Variants in CLVS1 observed in about 807,000 individuals in gnomAD.
CLVS1 encodes clavesin 1, also known as clavesin-1.
A neutral mutation model predicts 33.1 loss-of-function variants in CLVS1; 10 were observed. The observed-to-expected ratio is 0.30, with a 90% CI of 0.19 to 0.51. CLVS1 has a LOEUF of 0.51. Ranked by LOEUF, CLVS1 falls within the 20% of genes least tolerant of loss-of-function variation. The pLI, the probability that CLVS1 is intolerant of heterozygous loss-of-function variation, is 0.97. For missense variants in CLVS1, 343 were observed against 433.4 expected, an observed-to-expected ratio of 0.79 and a Z score of 1.85; for synonymous variants, 163 against 166.1, an observed-to-expected ratio of 0.98 and a Z score of 0.14.
intron 1 of CLVS1, chr8:61,292,393 T>A (rs537621898): frequency 3.8e-4 from 175 of 456,218 alleles, no homozygotes; most frequent in Non-Finnish European, 6.3e-4. Flanking sequence ...CACGGTTACA[T>A]GGATCTGCTG....
At chr8:61,383,230 C>T (rs185468222) in intron 3 of CLVS1, among the ~76,000 whole-genome samples, 1 of 152,300 alleles carries the variant, frequency 6.6e-6, no homozygotes, top group East Asian at 1.9e-4. Context: ...ACACTGGAGG[C>T]ACTTTTTCTT....
intron 2 of CLVS1, among the ~76,000 whole-genome samples, chr8:61,361,977 A>C (rs1812997177): frequency 6.6e-6 from 1 of 152,198 alleles, no homozygotes; most frequent in South Asian, 2.1e-4. Flanking sequence ...ATGAAAAATT[A>C]CTAGGAGAAA....
At chr8:61,136,454 C>T (rs557339326) in intron 2 of CLVS1, among the ~76,000 whole-genome samples, 9 of 152,222 alleles carry the variant, frequency 5.9e-5, no homozygotes, top group South Asian at 2.1e-4. Context: ...CAATGATAGA[C>T]CGGATAAAGA....
intron 3 of CLVS1, among the ~76,000 whole-genome samples, chr8:61,446,301 A>G (rs1816756714): frequency 1.3e-5 from 2 of 152,130 alleles, no homozygotes; most frequent in Admixed American, 1.3e-4. Flanking sequence ...TAATGCTACA[A>G]ATTTCCCTGT....
intron 1 of CLVS1, among the ~76,000 whole-genome samples, chr8:61,105,390 T>A (rs939524637): frequency 2.6e-5 from 4 of 152,226 alleles, no homozygotes; most frequent in African/African-American, 9.6e-5. Flanking sequence ...GACCCCAGGT[T>A]CTTTCTTATC....
the CLVS1 span, among the ~76,000 whole-genome samples, chr8:60,985,892 G>A: frequency 6.6e-6 from 1 of 151,922 alleles, no homozygotes; most frequent in African/African-American, 2.4e-5. Flanking sequence ...CCTTTATCCG[G>A]CATACAATAA....
intron 1 of CLVS1, among the ~76,000 whole-genome samples, chr8:61,061,508 A>T (rs895826508): frequency 6.6e-6 from 1 of 152,102 alleles, no homozygotes; most frequent in Non-Finnish European, 1.5e-5. Flanking sequence ...CTCCCCATGA[A>T]GTAGCACTAA....
the CLVS1 span, among the ~76,000 whole-genome samples, chr8:60,990,149 A>C: frequency 6.6e-6 from 1 of 150,706 alleles, no homozygotes; most frequent in African/African-American, 2.4e-5. Context: ...AAAAAAAAAA[A>C]AAAGCAGGAG....
chr8:61,270,812 G>A (rs1301418439), intron 2 of CLVS1, among the ~76,000 whole-genome samples: 2 of 152,100 alleles, frequency 1.3e-5, no homozygotes, highest in Non-Finnish European at 2.9e-5. Context: ...AGAGATGTTT[G>A]TAGTATTCTC....
intron 5 of CLVS1, among the ~76,000 whole-genome samples, chr8:61,482,749 C>G (rs1207169886): frequency 6.6e-6 from 1 of 152,180 alleles, no homozygotes; most frequent in African/African-American, 2.4e-5. Context: ...GTCTCTCAGA[C>G]CACAGTGCAA....
intron 5 of CLVS1, among the ~76,000 whole-genome samples, chr8:61,492,994 T>C (rs1804145946): frequency 6.6e-6 from 1 of 152,170 alleles, no homozygotes; most frequent in Non-Finnish European, 1.5e-5. Flanking sequence ...TGCATTATAG[T>C]AGAAAGAAAC....
intron 2 of CLVS1, among the ~76,000 whole-genome samples, chr8:61,210,107 T>G (rs369032239): frequency 3.3e-5 from 5 of 152,228 alleles, no homozygotes; most frequent in Non-Finnish European, 7.3e-5. Context: ...ACTCCTGTTA[T>G]GTTTGAATGT....
At chr8:61,061,171 C>T (rs7843677) in intron 1 of CLVS1, among the ~76,000 whole-genome samples, 85,799 of 151,940 alleles carry the variant, frequency 0.56, 26,930 homozygotes, top group African/African-American at 0.85. Context: ...AAAGTGACAG[C>T]TGATCACTGG....
chr8:61,391,749 G>A (rs1814313689), intron 3 of CLVS1, among the ~76,000 whole-genome samples: 1 of 152,068 alleles, frequency 6.6e-6, no homozygotes, highest in African/African-American at 2.4e-5. Context: ...ACTGAATGAG[G>A]ATTTAATTAA....
intron 2 of CLVS1, among the ~76,000 whole-genome samples, chr8:61,170,461 A>G (rs1219500203): frequency 6.6e-6 from 1 of 152,206 alleles, no homozygotes; most frequent in East Asian, 1.9e-4. Flanking sequence ...GCCAGTAACA[A>G]TGATAACCAG....
intron 1 of CLVS1, among the ~76,000 whole-genome samples, chr8:61,080,395 G>A (rs1432942805): frequency 1.3e-5 from 2 of 152,138 alleles, no homozygotes; most frequent in Non-Finnish European, 2.9e-5. Flanking sequence ...AGAAAATAAT[G>A]TAGTTTTCAT....
upstream of CLVS1, among the ~76,000 whole-genome samples, chr8:61,284,322 G>T (rs777224495): frequency 6.6e-6 from 1 of 152,136 alleles, no homozygotes; most frequent in Non-Finnish European, 1.5e-5. Context: ...AATGACTAGG[G>T]TTAACAGTAA....
At chr8:61,142,158 G>C (rs1013313872) in intron 2 of CLVS1, among the ~76,000 whole-genome samples, 1 of 152,182 alleles carries the variant, frequency 6.6e-6, no homozygotes, top group Non-Finnish European at 1.5e-5. Context: ...AGGGAGCGAC[G>C]TGGTGGGAGA....
chr8:61,402,731 T>A (rs1814819138), intron 3 of CLVS1, among the ~76,000 whole-genome samples: 1 of 152,226 alleles, frequency 6.6e-6, no homozygotes, highest in South Asian at 2.1e-4. Flanking sequence ...GAATTTGTAG[T>A]CTACTAAGGG....
Sources: allele counts gnomAD v4.1 joint callset (sites outside exome capture counted in the v4.1 genomes callset), GRCh38; gene constraint gnomAD v4.1.1; transcripts MANE v1.5; gene names NCBI Gene and HGNC (gene_info 2026-07-23, HGNC 2026-07-21).